The following HHLA2 variants were observed in gnomAD, a reference collection of about 807,000 sequenced individuals.
HHLA2 encodes the protein HERV-H LTR-associating protein 2.
A neutral mutation model predicts 45.9 loss-of-function variants in HHLA2; 48 were observed. The ratio of observed to expected loss-of-function variants is 1.05; its 90% CI spans 0.83 to 1.33. The LOEUF is 1.33. HHLA2 is among the 40% of genes most tolerant of loss of function. The probability of loss-of-function intolerance (pLI) is 0.00; values close to 1 mark genes in which losing one functional copy is unlikely to be tolerated. For synonymous variants in HHLA2, 161 were observed against 173.9 expected, an observed-to-expected ratio of 0.93 and a Z score of 0.59; for missense variants, 462 against 494.3, an observed-to-expected ratio of 0.93 and a Z score of 0.62.
At chr3:108,306,198 T>A (rs1407724489) in intron 1 of HHLA2, among the ~76,000 whole-genome samples, 1 of 152,212 alleles carries the variant, frequency 6.6e-6, no homozygotes, top group Non-Finnish European at 1.5e-5. Flanking sequence ...TTCTCCTCAC[T>A]TCTGCTTTCC....
In HHLA2 at chr3:108,353,691, GA is replaced by G. The variant is rs1467922605; in HGVS notation, c.330del (p.Val111Ter). 6.2e-7 allele frequency: 1 copy of G among 1,613,656 alleles called. No individual in the cohort carries two copies. Among genetic ancestry groups the G allele is most frequent in the South Asian group, 1.1e-5 (1 of 91,064 alleles). On this transcript the variant is annotated frameshift_variant, in exon 5 of 11. Coordinates refer to ENST00000619531, the Ensembl canonical transcript of HHLA2. LOFTEE classifies it high-confidence loss of function. ...GGGAATGCGTCGCTATTTTTCAGAA[GA>G]GTAAGCCTTCTGGACGAAGGAATTT...
At chr3:108,334,459 A>T (rs2081438184) in intron 3 of HHLA2, among the ~76,000 whole-genome samples, 1 of 152,202 alleles carries the variant, frequency 6.6e-6, no homozygotes, top group Non-Finnish European at 1.5e-5. Flanking sequence ...CTTCTGATCA[A>T]CTATTTTAAA....
intron 2 of HHLA2, among the ~76,000 whole-genome samples, chr3:108,314,584 C>T (rs2081073403): frequency 6.6e-6 from 1 of 152,110 alleles, no homozygotes; most frequent in Non-Finnish European, 1.5e-5. Context: ...TCCATGTCAC[C>T]TGCAACCTCC....
At chr3:108,345,422 G>T (rs754117914) in intron 3 of HHLA2, among the ~76,000 whole-genome samples, 1 of 152,222 alleles carries the variant, frequency 6.6e-6, no homozygotes, top group Non-Finnish European at 1.5e-5. Context: ...GTGATTAACT[G>T]CAAATTCACA....
At chr3:108,348,562 C>T (rs189411133) in intron 3 of HHLA2, among the ~76,000 whole-genome samples, 1 of 151,884 alleles carries the variant, frequency 6.6e-6, no homozygotes, top group East Asian at 1.9e-4. Flanking sequence ...GTGATTGGAG[C>T]TTTTATGCCT....
At chr3:108,304,715 C>T (rs2080901517) in intron 1 of HHLA2, among the ~76,000 whole-genome samples, 1 of 152,176 alleles carries the variant, frequency 6.6e-6, no homozygotes, top group African/African-American at 2.4e-5. Flanking sequence ...CACCTCCCTA[C>T]TAATGGTCTG....
At chr3:108,357,427 A>G (rs1021190535) in intron 6 of HHLA2, among the ~76,000 whole-genome samples, 2 of 152,198 alleles carry the variant, frequency 1.3e-5, no homozygotes, top group Non-Finnish European at 2.9e-5. Context: ...GTGAGGCCAT[A>G]AAAGTTAGAG....
intron 1 of HHLA2, among the ~76,000 whole-genome samples, chr3:108,308,369 C>T (rs1299523105): frequency 2.0e-5 from 3 of 152,178 alleles, no homozygotes; most frequent in Non-Finnish European, 4.4e-5. Context: ...TGAATAGTTA[C>T]TCCATTGTAT....
intron 4 of HHLA2, among the ~76,000 whole-genome samples, chr3:108,352,139 T>G (rs2081789731): frequency 1.5e-5 from 1 of 65,092 alleles, no homozygotes; most frequent in Non-Finnish European, 3.5e-5. Context: ...CAAGTTTGAT[T>G]GATTGATTTT....
At chr3:108,358,256 C>T (rs2081932707) in intron 7 of HHLA2, 95 bp downstream of exon 6, 1 of 778,736 alleles carries the variant, frequency 1.3e-6, no homozygotes, top group South Asian at 2.1e-5. Flanking sequence ...TTCAAGAATA[C>T]ATTGATACCC....
At chr3:108,327,254 T>A (rs2081303717) in intron 2 of HHLA2, among the ~76,000 whole-genome samples, 1 of 152,230 alleles carries the variant, frequency 6.6e-6, no homozygotes, top group African/African-American at 2.4e-5. Flanking sequence ...GCCTTCTGAC[T>A]GCTTTAAAAG....
intron 5 of HHLA2, among the ~76,000 whole-genome samples, chr3:108,354,176 G>T (rs895387106): frequency 3.3e-5 from 5 of 151,846 alleles, no homozygotes; most frequent in South Asian, 4.1e-4. Flanking sequence ...TTGAATTGCT[G>T]ATTTAAATTG....
At chr3:108,328,323 T>G in exon 3 of HHLA2, 1 of 1,532,016 alleles carries the variant, frequency 6.5e-7, no homozygotes, top group Non-Finnish European at 8.7e-7. Context: ...TGGAATATAC[T>G]AAAGCCTAGA....
At chr3:108,330,570 A>C (rs2081368553) in intron 3 of HHLA2, among the ~76,000 whole-genome samples, 1 of 152,202 alleles carries the variant, frequency 6.6e-6, no homozygotes, top group African/African-American at 2.4e-5. Flanking sequence ...AGACTCAAAG[A>C]CTTAAAGCAG....
chr3:108,345,556 A>G (rs2081646018), intron 3 of HHLA2, among the ~76,000 whole-genome samples: 1 of 152,196 alleles, frequency 6.6e-6, no homozygotes, highest in South Asian at 2.1e-4. Flanking sequence ...TTAGACAAAA[A>G]GAGACCAGCC....
rs140385124 is a variant in HHLA2, at chr3:108,369,037, T to G, written c.1108+6591T>G. On this transcript the variant is annotated intron_variant, in intron 8 of 10. Transcript: ENST00000619531. ...ATCAAAACAGTCTCTCAGGCTACAG[T>G]GCAATCAAATTAGAACTCAGGATTA... Among the ~76,000 whole-genome samples, 200 of 152,258 alleles carry G rather than the reference T, an allele frequency of 1.3e-3. 1 individual carries two copies. The highest frequency in any genetic ancestry group is 4.7e-3 in the African/African-American group (194 of 41,530).
At chr3:108,363,926 G>A (rs575865699) in intron 8 of HHLA2, among the ~76,000 whole-genome samples, 10 of 152,162 alleles carry the variant, frequency 6.6e-5, no homozygotes, top group Non-Finnish European at 1.2e-4. Flanking sequence ...AAACTTGGAA[G>A]GAGAGAGTCA....
chr3:108,330,319 G>A (rs2081361311), intron 3 of HHLA2, among the ~76,000 whole-genome samples: 1 of 152,158 alleles, frequency 6.6e-6, no homozygotes, highest in East Asian at 1.9e-4. Context: ...ACTGCAGGCA[G>A]AACTCTAAGG....
At chr3:108,330,574 A>G (rs2081368624) in intron 3 of HHLA2, among the ~76,000 whole-genome samples, 1 of 152,206 alleles carries the variant, frequency 6.6e-6, no homozygotes, top group African/African-American at 2.4e-5. Flanking sequence ...TCAAAGACTT[A>G]AAGCAGTGGC....
Sources: allele counts gnomAD v4.1 joint callset (sites outside exome capture counted in the v4.1 genomes callset), GRCh38; gene constraint gnomAD v4.1.1; transcripts MANE v1.5; gene names NCBI Gene and HGNC (gene_info 2026-07-23, HGNC 2026-07-21).